The following SLC44A1 variants were observed in gnomAD, a reference collection of about 807,000 sequenced individuals.
SLC44A1 encodes solute carrier family 44 member 1, also known as choline transporter-like protein 1.
A neutral mutation model predicts 79.3 loss-of-function variants in SLC44A1; 26 were observed. That is an observed-to-expected ratio of 0.33 (90% CI 0.24 to 0.46). SLC44A1 has a LOEUF of 0.46. SLC44A1 is among the 20% of genes least tolerant of loss of function. The pLI is 1.00. For missense variants in SLC44A1, 688 were observed against 798.1 expected (o/e 0.86, Z 1.66); for synonymous variants, 263 against 286.2 (o/e 0.92, Z 0.82).
At chr9:105,313,013 G>A (rs535034848) in intron 3 of SLC44A1, among the ~76,000 whole-genome samples, 4 of 152,222 alleles carry the variant, frequency 2.6e-5, no homozygotes, top group South Asian at 2.1e-4. Flanking sequence ...ATGTGGACCC[G>A]TTTCACCTAT....
intron 15 of SLC44A1, among the ~76,000 whole-genome samples, chr9:105,423,239 G>A (rs562434433): frequency 6.5e-4 from 99 of 152,198 alleles, no homozygotes; most frequent in East Asian, 2.1e-3. Context: ...TCGGGTGGGC[G>A]GATCACCTGA....
At chr9:105,412,850 G>A (rs1228859481) in intron 15 of SLC44A1, among the ~76,000 whole-genome samples, 2 of 151,902 alleles carry the variant, frequency 1.3e-5, no homozygotes, top group Non-Finnish European at 2.9e-5. Flanking sequence ...TGATCCACCC[G>A]CCTCGGCCTC....
chr9:105,355,219 T>G (rs1827584533), intron 5 of SLC44A1, among the ~76,000 whole-genome samples: 1 of 152,242 alleles, frequency 6.6e-6, no homozygotes, highest in African/African-American at 2.4e-5. Flanking sequence ...TTCGTAGTTC[T>G]TTGCTTAAAA....
chr9:105,278,279 C>T (rs965329908), intron 1 of SLC44A1, among the ~76,000 whole-genome samples: 4 of 151,812 alleles, frequency 2.6e-5, no homozygotes, highest in South Asian at 2.1e-4. Flanking sequence ...GATGTAGTCT[C>T]GCTCTGTCAC....
At chr9:105,369,721 T>C (rs1235223715) in intron 12 of SLC44A1, among the ~76,000 whole-genome samples, 1 of 152,228 alleles carries the variant, frequency 6.6e-6, no homozygotes, top group Non-Finnish European at 1.5e-5. Flanking sequence ...ATGTGAATAT[T>C]TTAAACTTTA....
At chr9:105,355,231 C>T (rs1827584637) in intron 5 of SLC44A1, among the ~76,000 whole-genome samples, 1 of 152,136 alleles carries the variant, frequency 6.6e-6, no homozygotes, top group African/African-American at 2.4e-5. Context: ...TGCTTAAAAT[C>T]TCTTATTGAT....
chr9:105,362,980 A>T lies in SLC44A1; in HGVS notation c.1060A>T (p.Met354Leu). ...ALVLFWVYWI[M>L]TLLFLGTTGS... ...TGTCTTGTTTTGGGTGTACTGGATC[A>T]TGACACTTCTTTTTCTTGGCACTAC... The change falls in exon 9 of 16, where the codon ATG (methionine) becomes TTG (leucine). Residue 354 changes from methionine to leucine, a missense_variant. Met to Leu is a conservative substitution (Grantham distance 15, BLOSUM62 2). Coordinates refer to ENST00000374720, the MANE Select transcript of SLC44A1 (RefSeq NM_080546.5). 1 of 1,609,384 alleles carries T rather than the reference A, an allele frequency of 6.2e-7. No individual in the cohort carries two copies. The highest frequency in any genetic ancestry group is 8.5e-7 in the Non-Finnish European group (1 of 1,178,718).
At position 105,365,651 on chromosome 9, in the gene SLC44A1, A is replaced by G; in HGVS notation, c.1410+12A>G. ...AGCTCAAAGGAAAGGTAAGGGGAAAATGCATTTCTGTACTTTCTGTGGGCA... is the reference window on the plus strand; with the variant it reads ...AGCTCAAAGGAAAGGTAAGGGGAAAGTGCATTTCTGTACTTTCTGTGGGCA... On this transcript the variant is annotated intron_variant, in intron 11 of 15. Coordinates refer to ENST00000374720, the MANE Select transcript of SLC44A1 (RefSeq NM_080546.5). The G allele has an allele frequency of 6.2e-7, 1 of 1,611,584 alleles. No individual in the cohort carries two copies. Among genetic ancestry groups the G allele is most frequent in the Non-Finnish European group, 8.5e-7 (1 of 1,178,068 alleles).
At chr9:105,438,228 G>A in intron 15 of SLC44A1, 1 of 1,491,418 alleles carries the variant, frequency 6.7e-7, no homozygotes, top group East Asian at 2.5e-5. Flanking sequence ...ACTTCTCATT[G>A]TGTCATGTTC....
At chr9:105,426,980 G>A (rs1829330526) in intron 15 of SLC44A1, among the ~76,000 whole-genome samples, 1 of 150,792 alleles carries the variant, frequency 6.6e-6, no homozygotes, top group South Asian at 2.1e-4. Flanking sequence ...TTGTTGCCCA[G>A]GCTGGAGTAC....
At chr9:105,261,359 G>A (rs1014099608) in intron 1 of SLC44A1, among the ~76,000 whole-genome samples, 2 of 151,956 alleles carry the variant, frequency 1.3e-5, no homozygotes, top group African/African-American at 4.8e-5. Context: ...CTTGTTTCTG[G>A]CCCACAGAGC....
intron 13 of SLC44A1, among the ~76,000 whole-genome samples, chr9:105,378,964 T>C (rs1004109536): frequency 6.6e-6 from 1 of 152,208 alleles, no homozygotes; most frequent in Non-Finnish European, 1.5e-5. Flanking sequence ...AGAAGATTAA[T>C]TCCATTTATA....
chr9:105,392,397 CTCTCTCTTTTTTT>C lies in SLC44A1; in HGVS notation c.*3343_*3355del, dbSNP rs1828781569. The stretch of plus-strand genomic sequence containing the variant: ...TCTTTTGTAGAGATGCTCTCTCTCT[CTCTCTCTTTTTTT>C]TTTTTTTTTTTTTTTTTTTTCCGTG... On this transcript the variant is annotated 3_prime_UTR_variant, in exon 16 of 16. Transcript: ENST00000374720. 33 of 874,446 alleles carry C rather than the reference CTCTCTCTTTTTTT, an allele frequency of 3.8e-5. No individual in the cohort carries two copies. The highest frequency in any genetic ancestry group is 4.2e-5 in the Non-Finnish European group (32 of 763,838). The allele number at this position is 874,446 out of a possible 1,614,324, so 54.2% of individuals were successfully genotyped here.
At chr9:105,437,103 A>G (rs1226942547) in intron 15 of SLC44A1, among the ~76,000 whole-genome samples, 1 of 152,020 alleles carries the variant, frequency 6.6e-6, no homozygotes, top group Non-Finnish European at 1.5e-5. Context: ...TTAATTTTTA[A>G]CCCATCCTAA....
intron 1 of SLC44A1, among the ~76,000 whole-genome samples, chr9:105,291,955 T>A (rs1208764531): frequency 6.6e-6 from 1 of 152,172 alleles, no homozygotes; most frequent in East Asian, 1.9e-4. Flanking sequence ...TACCTCCCAG[T>A]TGATCAGAAA....
chr9:105,341,252 T>G (rs1827078107), intron 4 of SLC44A1, among the ~76,000 whole-genome samples: 1 of 151,444 alleles, frequency 6.6e-6, no homozygotes, highest in Non-Finnish European at 1.5e-5. Context: ...GGAGAATTGC[T>G]TGAACCTGGG....
chr9:105,314,133 G>T (rs1256390550), intron 3 of SLC44A1, among the ~76,000 whole-genome samples: 1 of 152,192 alleles, frequency 6.6e-6, no homozygotes, highest in Admixed American at 6.5e-5. Context: ...GGACAGAGCA[G>T]AAATGGTCCT....
intron 5 of SLC44A1, among the ~76,000 whole-genome samples, chr9:105,348,679 T>A (rs1827314307): frequency 6.6e-6 from 1 of 152,086 alleles, no homozygotes; most frequent in South Asian, 2.1e-4. Flanking sequence ...TAAATTTCAT[T>A]TCTTTTAGGG....
Position 105,392,665 on chromosome 9 carries a change from A to C in SLC44A1, c.*3609A>C, listed in dbSNP as rs752562638. On this transcript the variant is annotated 3_prime_UTR_variant, in exon 16 of 16. Coordinates refer to ENST00000374720, the MANE Select transcript of SLC44A1 (RefSeq NM_080546.5). Reference sequence around the variant, plus strand: ...AGGCACCACATATGTGTGAGGCCACATCACTGCCCCTGAGGCTTCAACTAT... The same window carrying C: ...AGGCACCACATATGTGTGAGGCCACCTCACTGCCCCTGAGGCTTCAACTAT... 5 of 985,302 alleles carry C rather than the reference A, an allele frequency of 5.1e-6. No individual in the cohort carries two copies. Among genetic ancestry groups the C allele is most frequent in the Non-Finnish European group, 6.0e-6 (5 of 829,996 alleles). 61.0% of individuals were successfully genotyped at this position (985,302 alleles called of 1,614,324 possible).
Sources: allele counts gnomAD v4.1 joint callset (sites outside exome capture counted in the v4.1 genomes callset), GRCh38; gene constraint gnomAD v4.1.1; transcripts MANE v1.5; gene names NCBI Gene and HGNC (gene_info 2026-07-23, HGNC 2026-07-21).